The following SDK1 variants were observed in gnomAD, a reference collection of about 807,000 sequenced individuals.
SDK1 encodes sidekick cell adhesion molecule 1.
In SDK1, 157 loss-of-function variants were observed where a neutral mutation model predicts 245.5. The ratio of observed to expected loss-of-function variants is 0.64; its 90% CI spans 0.56 to 0.73. The LOEUF (loss-of-function observed/expected upper bound fraction) is 0.73, where lower values mean the gene tolerates loss of function less well. Ranked by LOEUF, SDK1 falls within the 30% of genes least tolerant of loss-of-function variation. The pLI, the probability that SDK1 is intolerant of heterozygous loss-of-function variation, is 0.00. For missense variants in SDK1, 3,583 were observed against 3,002.3 expected, an observed-to-expected ratio of 1.19 and a Z score of -4.52; for synonymous variants, 1,647 against 1,278.5, an observed-to-expected ratio of 1.29 and a Z score of -6.15.
chr7:4,221,411 A>C (rs1394264659), intron 40 of SDK1, 47 bp downstream of exon 40: 1 of 1,556,984 alleles, frequency 6.4e-7, no homozygotes, highest in East Asian at 2.4e-5. Context: ...AGCGGACGGC[A>C]GTGCTTCTAA....
At chr7:3,605,183 G>C (rs951754200) in intron 1 of SDK1, among the ~76,000 whole-genome samples, 2 of 137,312 alleles carry the variant, frequency 1.5e-5, no homozygotes, top group African/African-American at 6.0e-5. Flanking sequence ...GATGTCTACT[G>C]TATAATGTAA....
intron 4 of SDK1, among the ~76,000 whole-genome samples, chr7:3,747,518 G>T (rs1779658685): frequency 6.6e-6 from 1 of 152,214 alleles, no homozygotes; most frequent in Non-Finnish European, 1.5e-5. Flanking sequence ...AGCAAATGCT[G>T]TCGTGGGCCT....
chr7:3,426,811 C>A (rs1562479869), intron 1 of SDK1, among the ~76,000 whole-genome samples: 1 of 152,118 alleles, frequency 6.6e-6, no homozygotes. Flanking sequence ...AGAAAATGAC[C>A]TGTTAATTTT....
intron 1 of SDK1, among the ~76,000 whole-genome samples, chr7:3,495,422 G>A (rs570697187): frequency 1.3e-5 from 2 of 151,812 alleles, no homozygotes; most frequent in Admixed American, 1.3e-4. Context: ...CCACACTGGA[G>A]TAATTTTTGT....
chr7:3,340,784 C>T (rs939210164), intron 1 of SDK1, among the ~76,000 whole-genome samples: 1 of 129,796 alleles, frequency 7.7e-6, no homozygotes, highest in Non-Finnish European at 1.7e-5. Flanking sequence ...AAAAAAAAAT[C>T]ATCTATGAAG....
intron 4 of SDK1, among the ~76,000 whole-genome samples, chr7:3,672,766 T>TACATATATATATATATATATACAC (rs1226753258): frequency 1.3e-5 from 1 of 74,294 alleles, no homozygotes; most frequent in Non-Finnish European, 2.6e-5. Flanking sequence ...ATTTTATATA[T>TACATATATATATATATATATACAC]ATATATATAT....
intron 35 of SDK1, among the ~76,000 whole-genome samples, chr7:4,200,907 G>A (rs2093248786): frequency 6.6e-6 from 1 of 152,224 alleles, no homozygotes; most frequent in South Asian, 2.1e-4. Context: ...ACATTGCCAT[G>A]CCCATGCATT....
At chr7:3,699,709 T>G (rs1229892128) in intron 4 of SDK1, among the ~76,000 whole-genome samples, 1 of 152,150 alleles carries the variant, frequency 6.6e-6, no homozygotes, top group Non-Finnish European at 1.5e-5. Context: ...AGGGTAGAGT[T>G]GAAGAATTAT....
At position 4,230,016 on chromosome 7, in the gene SDK1, G is replaced by A. The variant is rs74849040; in HGVS notation, c.5828-3239G>A. On this transcript the variant is annotated intron_variant, in intron 40 of 44. Coordinates refer to ENST00000404826, the MANE Select transcript of SDK1 (RefSeq NM_152744.4). ...AGAATGGATGGATAATGGATGGATG[G>A]ATGGATGGAAGGAGGGGGACCCAGA... 9.6e-3 allele frequency among the ~76,000 whole-genome samples: 1,397 copies of A among 145,780 alleles called. 26 individuals are homozygous for A. The highest frequency in any genetic ancestry group is 0.034 in the African/African-American group (1,319 of 38,736).
At chr7:4,168,387 T>C (rs1781629638) in intron 32 of SDK1, among the ~76,000 whole-genome samples, 1 of 152,262 alleles carries the variant, frequency 6.6e-6, no homozygotes, top group African/African-American at 2.4e-5. Context: ...CCATTTCTTA[T>C]AGCTCTAAAT....
chr7:4,133,837 C>T (rs751747270), intron 28 of SDK1, among the ~76,000 whole-genome samples: 2 of 152,178 alleles, frequency 1.3e-5, no homozygotes, highest in African/African-American at 2.4e-5. Flanking sequence ...CACCCCGATT[C>T]GGCTAGCCTG....
At chr7:3,784,501 C>T (rs549086646) in intron 4 of SDK1, among the ~76,000 whole-genome samples, 1 of 151,930 alleles carries the variant, frequency 6.6e-6, no homozygotes, top group South Asian at 2.1e-4. Context: ...GAAGCTCAAA[C>T]AACTCAATAG....
At chr7:3,883,646 A>G (rs1485787788) in intron 5 of SDK1, among the ~76,000 whole-genome samples, 4 of 152,108 alleles carry the variant, frequency 2.6e-5, no homozygotes, top group Non-Finnish European at 5.9e-5. Flanking sequence ...CTGTGCCATG[A>G]AGACAGAACC....
chr7:3,950,450 A>C (rs977784300), intron 5 of SDK1, among the ~76,000 whole-genome samples: 2 of 152,208 alleles, frequency 1.3e-5, no homozygotes, highest in Non-Finnish European at 2.9e-5. Context: ...CAGCACAGTA[A>C]GATATTTTGA....
intron 22 of SDK1, among the ~76,000 whole-genome samples, chr7:4,082,547 A>AAG (rs1781124613): frequency 1.3e-5 from 2 of 151,868 alleles, no homozygotes; most frequent in African/African-American, 4.8e-5. Context: ...AAAAAAAAAA[A>AAG]AAAGAAAAGA....
In SDK1 at chr7:4,208,200, C is replaced by T; in HGVS notation, c.5316C>T (p.Thr1772=). ...GGCTGAAGAACCTGACCAGCCATAC[C>T]AAGTACCTGGTCAGCATATCAGCCT... The part of the protein sequence containing the change: ...VVRLKNLTSH[T]KYLVSISAFN... The change falls in exon 37 of 45, where the codon ACC becomes ACT. Residue 1772 remains threonine (T), a synonymous_variant. Transcript: ENST00000404826. 1 of 1,614,036 alleles carries T rather than the reference C, an allele frequency of 6.2e-7. No homozygotes were observed. Among genetic ancestry groups the T allele is most frequent in the Non-Finnish European group, 8.5e-7 (1 of 1,179,924 alleles).
intron 1 of SDK1, among the ~76,000 whole-genome samples, chr7:3,601,976 T>C (rs1313824310): frequency 6.6e-6 from 1 of 152,056 alleles, no homozygotes; most frequent in African/African-American, 2.4e-5. Flanking sequence ...TGGTTTCCAG[T>C]TTCATCCATG....
chr7:3,486,890 C>T (rs566002069), intron 1 of SDK1, among the ~76,000 whole-genome samples: 3 of 152,110 alleles, frequency 2.0e-5, no homozygotes, highest in Admixed American at 1.3e-4. Context: ...CTGTCTTATT[C>T]TCTACCAGTT....
intron 4 of SDK1, among the ~76,000 whole-genome samples, chr7:3,798,706 C>A (rs1779029565): frequency 6.6e-6 from 1 of 152,176 alleles, no homozygotes; most frequent in Non-Finnish European, 1.5e-5. Flanking sequence ...TGTTCCCTTT[C>A]CACATTCTGT....
Sources: allele counts gnomAD v4.1 joint callset (sites outside exome capture counted in the v4.1 genomes callset), GRCh38; gene constraint gnomAD v4.1.1; transcripts MANE v1.5; gene names NCBI Gene and HGNC (gene_info 2026-07-23, HGNC 2026-07-21).